Variants in KIF13A observed in about 807,000 individuals in gnomAD.
KIF13A encodes the protein kinesin-like protein KIF13A.
Under a neutral mutation model 212.2 loss-of-function variants are expected in KIF13A, and 79 were observed. The observed-to-expected ratio is 0.37, with a 90% CI of 0.31 to 0.45. KIF13A has a LOEUF of 0.45. Among genes scored for constraint, KIF13A ranks in the 20% least tolerant of loss-of-function variants. KIF13A has a pLI of 1.00. For missense variants in KIF13A, 1,901 were observed against 2,209.0 expected (o/e 0.86, Z 2.79); for synonymous variants, 789 against 808.6 (o/e 0.98, Z 0.41).
Position 17,829,830 on chromosome 6 carries a change from G to A in KIF13A, c.1401+1271C>T, listed in dbSNP as rs1435538483. Among the ~76,000 whole-genome samples, 2 of 152,140 alleles carry A rather than the reference G, an allele frequency of 1.3e-5. No homozygotes were observed. Among genetic ancestry groups the A allele is most frequent in the African/African-American group, 4.8e-5 (2 of 41,422 alleles). On this transcript the variant is annotated intron_variant, in intron 13 of 38. Coordinates refer to ENST00000259711, the MANE Select transcript of KIF13A (RefSeq NM_022113.6). The surrounding 1 kb of genome is among the most constrained non-coding windows in gnomAD (Gnocchi z 5.4). ...TACACCTCTAGGAAAAGTAGAAGGT[G>A]AGGCTCCTTGCTTCAATTTTGGCTT...
intron 32 of KIF13A, 137 bp from the exon 33 acceptor site, chr6:17,779,236 C>T (rs1290141016): frequency 7.8e-6 from 2 of 254,936 alleles, no homozygotes; most frequent in East Asian, 1.5e-4. Flanking sequence ...TTTAAAGTAG[C>T]ATATATATAT....
intron 2 of KIF13A, among the ~76,000 whole-genome samples, chr6:17,939,775 G>A (rs982406057): frequency 2.0e-5 from 3 of 151,934 alleles, no homozygotes; most frequent in African/African-American, 4.8e-5. Context: ...TCACCTGGCC[G>A]GGCGTAGTGG....
intron 14 of KIF13A, among the ~76,000 whole-genome samples, chr6:17,827,314 C>T (rs1014133311): frequency 6.6e-6 from 1 of 151,916 alleles, no homozygotes; most frequent in Non-Finnish European, 1.5e-5. Context: ...TCAGGCTGGT[C>T]TTGAACTCCT....
Position 17,785,725 on chromosome 6 carries a change from C to T in KIF13A, c.3362-84G>A. 6.3e-6 allele frequency: 9 copies of T among 1,425,806 alleles called. No individual in the cohort carries two copies. The highest frequency in any genetic ancestry group is 8.6e-6 in the Non-Finnish European group (9 of 1,040,750). 88.3% of individuals were successfully genotyped at this position (1,425,806 alleles called of 1,614,324 possible). A position where few individuals can be genotyped will look rare whatever the true frequency, so the allele number is the denominator to read the frequency against. On this transcript the variant is annotated intron_variant, in intron 27 of 38. Transcript: ENST00000259711. This position sits in a 1 kb window ranked among gnomAD's most constrained non-coding sequence, Gnocchi z 5.8. ...TACAAGGAATAGATTTCAGCCTGGG[C>T]AACATAGTGAGACCCCATCTCTACC... is the stretch of plus-strand genomic sequence containing the variant.
At chr6:17,939,310 A>G (rs1032309172) in intron 2 of KIF13A, among the ~76,000 whole-genome samples, 1 of 152,262 alleles carries the variant, frequency 6.6e-6, no homozygotes, top group East Asian at 1.9e-4. Flanking sequence ...TATTCAGTAC[A>G]GCAGTGATGA....
rs1393443191 is a variant in KIF13A at position 17,772,798 on chromosome 6, C to G, written c.4324+680G>C. On this transcript the variant is annotated intron_variant, in intron 36 of 38. Coordinates refer to ENST00000259711, the MANE Select transcript of KIF13A (RefSeq NM_022113.6). This position sits in a 1 kb window ranked among gnomAD's most constrained non-coding sequence, Gnocchi z 4.8. ...AATTAATACTGTGTAAATTTTCTTG[C>G]GAGCCTCTTTTTTTCCCCCTCAGGC... Among the ~76,000 whole-genome samples the G allele has an allele frequency of 7.2e-6, 1 of 138,454 alleles. No individual in the cohort carries two copies. Among genetic ancestry groups the G allele is most frequent in the Non-Finnish European group, 1.6e-5 (1 of 60,784 alleles). The allele number at this position is 138,454 out of a possible 152,430, so 90.8% of individuals were successfully genotyped here.
intron 12 of KIF13A, among the ~76,000 whole-genome samples, chr6:17,833,497 CAAAA>C (rs59654452): frequency 0.3 from 28,976 of 97,764 alleles, 3,200 homozygotes; most frequent in South Asian, 0.41. Context: ...ACCTTGTCTT[CAAAA>C]AAAAAAAAAA....
rs577500923 is a variant in KIF13A at position 17,900,178 on chromosome 6, G to T, written c.147-1998C>A. Among the ~76,000 whole-genome samples the T allele has an allele frequency of 5.6e-4, 86 of 152,264 alleles. No individual in the cohort carries two copies. The highest frequency in any genetic ancestry group is 1.9e-3 in the Admixed American group (29 of 15,292). On this transcript the variant is annotated intron_variant, in intron 2 of 38. Coordinates refer to ENST00000259711, the MANE Select transcript of KIF13A (RefSeq NM_022113.6). The surrounding 1 kb of genome is among the most constrained non-coding windows in gnomAD (Gnocchi z 4.6). The stretch of plus-strand genomic sequence containing the variant: ...ATGAACCCAGTAACCCAACGGGGCT[G>T]GGACAGACTAGGGGAATCCCAGTGA...
intron 16 of KIF13A, among the ~76,000 whole-genome samples, chr6:17,821,260 G>A (rs1764407802): frequency 6.6e-6 from 1 of 152,082 alleles, no homozygotes; most frequent in Admixed American, 6.5e-5. Context: ...AGGCATTATT[G>A]TCCACAAATA....
downstream of KIF13A, among the ~76,000 whole-genome samples, chr6:17,761,952 G>A (rs1758604656): frequency 6.6e-6 from 1 of 152,116 alleles, no homozygotes; most frequent in Non-Finnish European, 1.5e-5. Context: ...GCGAGGGGAT[G>A]GGGAGGAAGG....
At chr6:17,813,636 T>G (rs1241436189) in intron 17 of KIF13A, among the ~76,000 whole-genome samples, 2 of 152,056 alleles carry the variant, frequency 1.3e-5, no homozygotes, top group African/African-American at 4.8e-5. Flanking sequence ...AGCCTTGCGC[T>G]GCAGGGCAGG....
At chr6:17,882,217 T>A (rs1205115732) in intron 3 of KIF13A, 2 of 381,196 alleles carry the variant, frequency 5.2e-6, no homozygotes, top group Non-Finnish European at 1.1e-5. Flanking sequence ...TGGAAAGCAA[T>A]AAACTAACAC....
chr6:17,952,940 A>G (rs1289618679), intron 2 of KIF13A, among the ~76,000 whole-genome samples: 1 of 151,924 alleles, frequency 6.6e-6, no homozygotes, highest in Non-Finnish European at 1.5e-5. Flanking sequence ...AAAAAAAAAA[A>G]AGAGAAGCGA....
At position 17,781,346 on chromosome 6, in the gene KIF13A, T is replaced by C. The variant is rs41267714; in HGVS notation, c.3545-45A>G. 53,134 of 1,506,514 alleles carry C rather than the reference T, an allele frequency of 0.035. 1,107 individuals carry two copies. Among genetic ancestry groups the C allele is most frequent in the Non-Finnish European group, 0.041 (46,736 of 1,130,826 alleles). 93.3% of individuals were successfully genotyped at this position (1,506,514 alleles called of 1,614,324 possible). A position where few individuals can be genotyped will look rare whatever the true frequency, so the allele number is the denominator to read the frequency against. ...AGAAAAAACAGTAGGGGAAAGTCAG[T>C]TTTTAAGCAAACACCAAAAATTTAA... On this transcript the variant is annotated intron_variant, in intron 29 of 38. Transcript: ENST00000259711.
At chr6:17,762,373 C>A (rs535932966), downstream of KIF13A, among the ~76,000 whole-genome samples, 1 of 151,972 alleles carries the variant, frequency 6.6e-6, no homozygotes, top group Non-Finnish European at 1.5e-5. Context: ...CCACCATATC[C>A]GGCTAATTTT....
rs1222219514 is a variant in KIF13A at position 17,837,725 on chromosome 6, A to C, written c.831-142T>G. On this transcript the variant is annotated intron_variant, in intron 9 of 38. Transcript: ENST00000259711. The surrounding 1 kb of genome is among the most constrained non-coding windows in gnomAD (Gnocchi z 5.4). ...CCAGCACTTTGGGAGGCCAAGGTGG[A>C]TGAATCACTTGAGGCCAGGGGTTTG... 1 of 607,018 alleles carries C rather than the reference A, an allele frequency of 1.6e-6. No homozygotes were observed. The highest frequency in any genetic ancestry group is 2.9e-6 in the Non-Finnish European group (1 of 346,048). 37.6% of individuals were successfully genotyped at this position (607,018 alleles called of 1,614,324 possible).
At chr6:17,930,913 A>G (rs1322504753) in intron 2 of KIF13A, among the ~76,000 whole-genome samples, 2 of 152,224 alleles carry the variant, frequency 1.3e-5, no homozygotes, top group Non-Finnish European at 2.9e-5. Context: ...TCAGGCTTAA[A>G]AATTGTTCTC....
Position 17,772,084 on chromosome 6 carries a change from G to C in KIF13A, c.4325-25C>G. The C allele has an allele frequency of 6.2e-7, 1 of 1,611,156 alleles. No homozygotes were observed. The highest frequency in any genetic ancestry group is 8.5e-7 in the Non-Finnish European group (1 of 1,177,884). ...CCTAGGGAAGATGAGAAGTTATGAG[G>C]TTACAGATGCTGAACACTTTAAGCA... On this transcript the variant is annotated intron_variant, in intron 36 of 38. Transcript: ENST00000259711. The surrounding 1 kb of genome is among the most constrained non-coding windows in gnomAD (Gnocchi z 4.8).
At chr6:17,876,047 G>T (rs1770526390) in intron 3 of KIF13A, among the ~76,000 whole-genome samples, 1 of 152,080 alleles carries the variant, frequency 6.6e-6, no homozygotes, top group Non-Finnish European at 1.5e-5. Flanking sequence ...ATTCATTTTG[G>T]TGAGGAGACC....
Sources: allele counts gnomAD v4.1 joint callset (sites outside exome capture counted in the v4.1 genomes callset), GRCh38; gene constraint gnomAD v4.1.1; non-coding constraint Gnocchi (gnomAD v3.1); transcripts MANE v1.5; gene names NCBI Gene and HGNC (gene_info 2026-07-23, HGNC 2026-07-21).